NEGR1: variants seen among roughly 807,000 people sequenced by gnomAD.
The protein encoded by NEGR1 is IgLON family member 4.
A neutral mutation model predicts 40.9 loss-of-function variants in NEGR1; 10 were observed. The observed-to-expected ratio is 0.24, with a 90% CI of 0.15 to 0.42. NEGR1 has a LOEUF of 0.42. NEGR1 is among the 10% of genes least tolerant of loss of function. The pLI is 1.00. For synonymous variants in NEGR1, 185 were observed against 166.8 expected (o/e 1.11, Z -0.84); for missense variants, 352 against 438.9 (o/e 0.80, Z 1.77).
intron 6 of NEGR1, among the ~76,000 whole-genome samples, chr1:71,459,523 T>C (rs1646699234): frequency 6.6e-6 from 1 of 152,216 alleles, no homozygotes; most frequent in African/African-American, 2.4e-5. Context: ...TCTTTATGTC[T>C]TACCTGCCAT....
chr1:71,908,731 T>A (rs1291456087), intron 2 of NEGR1, among the ~76,000 whole-genome samples: 1 of 152,218 alleles, frequency 6.6e-6, no homozygotes. Context: ...ATGTCTAAAA[T>A]ACATTATTTT....
intron 1 of NEGR1, among the ~76,000 whole-genome samples, chr1:71,994,563 T>C (rs1385247284): frequency 6.7e-6 from 1 of 150,290 alleles, no homozygotes; most frequent in Non-Finnish European, 1.5e-5. Flanking sequence ...AAAAAAACAC[T>C]CATCACAAAA....
At chr1:72,271,659 T>C (rs1655847201) in intron 1 of NEGR1, among the ~76,000 whole-genome samples, 1 of 151,884 alleles carries the variant, frequency 6.6e-6, no homozygotes, top group Non-Finnish European at 1.5e-5. Flanking sequence ...GTACAGTGTA[T>C]ATCACTTCAT....
chr1:71,451,977 G>A (rs1419482703), intron 6 of NEGR1, among the ~76,000 whole-genome samples: 2 of 152,126 alleles, frequency 1.3e-5, no homozygotes, highest in Non-Finnish European at 2.9e-5. Context: ...TCAAGCACCA[G>A]TAGGGATTCA....
At chr1:71,622,100 G>T (rs1419272046) in intron 4 of NEGR1, among the ~76,000 whole-genome samples, 1 of 151,924 alleles carries the variant, frequency 6.6e-6, no homozygotes, top group Non-Finnish European at 1.5e-5. Context: ...CTCCAGTGAT[G>T]CATCCACTGT....
In NEGR1 at chr1:72,276,082, G is replaced by A. The variant is rs552865908; in HGVS notation, c.176+6237C>T. On this transcript the variant is annotated intron_variant, in intron 1 of 6. Coordinates refer to ENST00000357731, the MANE Select transcript of NEGR1 (RefSeq NM_173808.3). Reference sequence around the variant, plus strand: ...ACTTCGCTCCAGCTTGGGGGACAGAGTGAGACTCCATCTCAGAAAAAGAAA... The same window carrying A: ...ACTTCGCTCCAGCTTGGGGGACAGAATGAGACTCCATCTCAGAAAAAGAAA... Among the ~76,000 whole-genome samples, 4 of 152,076 alleles carry A rather than the reference G, an allele frequency of 2.6e-5. No individual in the cohort carries two copies. The South Asian group carries it at 8.3e-4, about 31-fold the overall frequency.
chr1:71,959,484 T>C (rs143185513), intron 1 of NEGR1, among the ~76,000 whole-genome samples: 174 of 152,308 alleles, frequency 1.1e-3, no homozygotes, highest in African/African-American at 4.0e-3. Flanking sequence ...AAAAATGGGT[T>C]ACGTTAGTTC....
At chr1:71,571,787 C>CAAAAAAAA (rs34844215) in intron 6 of NEGR1, among the ~76,000 whole-genome samples, 2 of 106,516 alleles carry the variant, frequency 1.9e-5, no homozygotes, top group East Asian at 2.9e-4. Context: ...GCCCCTGTCT[C>CAAAAAAAA]AAAAAAAAAA....
intron 1 of NEGR1, among the ~76,000 whole-genome samples, chr1:72,093,309 G>A (rs1648565102): frequency 1.6e-5 from 2 of 127,276 alleles, no homozygotes; most frequent in Non-Finnish European, 3.1e-5. Context: ...CCAGTCTGGT[G>A]CCAGAGCTAG....
At chr1:72,114,828 A>T (rs1486095) in intron 1 of NEGR1, among the ~76,000 whole-genome samples, 41,560 of 151,608 alleles carry the variant, frequency 0.27, 6,541 homozygotes, top group African/African-American at 0.43. Flanking sequence ...ATTCCTTTGG[A>T]GCAAACTGCT....
intron 6 of NEGR1, among the ~76,000 whole-genome samples, chr1:71,510,910 T>A (rs1337104899): frequency 6.6e-6 from 1 of 152,226 alleles, no homozygotes; most frequent in Non-Finnish European, 1.5e-5. Context: ...ACACTCAGAC[T>A]GGAAGGTTGG....
intron 4 of NEGR1, among the ~76,000 whole-genome samples, chr1:71,684,649 T>G (rs1273916621): frequency 1.3e-5 from 2 of 152,210 alleles, no homozygotes; most frequent in Admixed American, 1.3e-4. Context: ...CTGCCCTGTG[T>G]GGCCATTCCA....
chr1:71,928,406 G>A (rs62638218), intron 2 of NEGR1, among the ~76,000 whole-genome samples: 20 of 58,488 alleles, frequency 3.4e-4, no homozygotes, highest in East Asian at 1.1e-3. Context: ...GTATATATGT[G>A]TATGTATATA....
At chr1:71,425,311 T>G (rs1394550689) in intron 6 of NEGR1, among the ~76,000 whole-genome samples, 1 of 152,156 alleles carries the variant, frequency 6.6e-6, no homozygotes, top group Admixed American at 6.5e-5. Flanking sequence ...ATTAAACTTG[T>G]CTATCTTTAA....
chr1:71,805,597 C>T (rs1220468196), intron 2 of NEGR1, among the ~76,000 whole-genome samples: 2 of 152,210 alleles, frequency 1.3e-5, no homozygotes, highest in East Asian at 3.9e-4. Flanking sequence ...AGTAACACAC[C>T]AACATAATTT....
At chr1:71,474,556 AC>A (rs1646806557) in intron 6 of NEGR1, among the ~76,000 whole-genome samples, 15 of 149,770 alleles carry the variant, frequency 1.0e-4, no homozygotes, top group East Asian at 2.0e-4. Context: ...ACACACACAC[AC>A]ACAATTAGCC....
At chr1:72,150,466 A>T (rs1371359426) in intron 1 of NEGR1, among the ~76,000 whole-genome samples, 1 of 152,060 alleles carries the variant, frequency 6.6e-6, no homozygotes, top group Non-Finnish European at 1.5e-5. Flanking sequence ...ATTTCTGATG[A>T]CTCTTTGATG....
chr1:71,421,137 G>A (rs1237335149), intron 6 of NEGR1, among the ~76,000 whole-genome samples: 2 of 151,946 alleles, frequency 1.3e-5, no homozygotes, highest in African/African-American at 4.8e-5. Context: ...TCAAATATTA[G>A]TGATATTTGA....
intron 5 of NEGR1, among the ~76,000 whole-genome samples, chr1:71,598,216 G>C (rs777712971): frequency 6.6e-6 from 1 of 152,128 alleles, no homozygotes; most frequent in Non-Finnish European, 1.5e-5. Flanking sequence ...GTAGAAACCA[G>C]GATATTGTAT....
Sources: allele counts gnomAD v4.1 joint callset (sites outside exome capture counted in the v4.1 genomes callset), GRCh38; gene constraint gnomAD v4.1.1; transcripts MANE v1.5; gene names NCBI Gene and HGNC (gene_info 2026-07-23, HGNC 2026-07-21).